The following ATG13 variants were observed in gnomAD, a reference collection of about 807,000 sequenced individuals.
ATG13 encodes the protein autophagy-related protein 13.
Under a neutral mutation model 65.5 loss-of-function variants are expected in ATG13, and 23 were observed. That is an observed-to-expected ratio of 0.35 (90% CI 0.25 to 0.50). The LOEUF is 0.50. ATG13 is among the 20% of genes least tolerant of loss of function. ATG13 has a pLI of 0.98. For missense variants in ATG13, 566 were observed against 677.0 expected (o/e 0.84, Z 1.82); for synonymous variants, 252 against 245.2 (o/e 1.03, Z -0.26).
chr11:46,654,246 C>T (rs1164571316), intron 7 of ATG13, among the ~76,000 whole-genome samples: 3 of 130,694 alleles, frequency 2.3e-5, no homozygotes, highest in African/African-American at 8.9e-5. Context: ...CAGCCTGGGT[C>T]ACATGGCAAG....
rs7939371 is a variant in ATG13 at position 46,623,273 on chromosome 11, A to G, written c.-70+5383A>G. ...TGTGCCACTGCACTCCAGTCTGGGC[A>G]ACAGAGCAAGACCCCGTCTCAAAGA... On this transcript the variant is annotated intron_variant, in intron 1 of 18. Coordinates refer to ENST00000683050, the MANE Select transcript of ATG13 (RefSeq NM_001346311.2). Among the ~76,000 whole-genome samples, 1,408 of 152,212 alleles carry G rather than the reference A, an allele frequency of 9.3e-3. 13 individuals are homozygous for G. Among genetic ancestry groups the G allele is most frequent in the African/African-American group, 0.033 (1,359 of 41,524 alleles).
chr11:46,665,235 A>T, intron 13 of ATG13, 148 bp from the exon 14 acceptor site: 1 of 1,012,988 alleles, frequency 9.9e-7, no homozygotes, highest in African/African-American at 1.6e-5. Context: ...TGAGTTTCAG[A>T]GAGGATAAAG....
At chr11:46,651,121 C>A (rs2136461291) in intron 7 of ATG13, among the ~76,000 whole-genome samples, 1 of 152,202 alleles carries the variant, frequency 6.6e-6, no homozygotes. Context: ...AGCATTGTGC[C>A]AGGAGAACTT....
chr11:46,643,959 C>T (rs1447697774), intron 2 of ATG13, among the ~76,000 whole-genome samples: 1 of 152,124 alleles, frequency 6.6e-6, no homozygotes, highest in African/African-American at 2.4e-5. Flanking sequence ...AAGTTTATGT[C>T]TCATTAAAAT....
In ATG13 at chr11:46,672,694, C is replaced by T. The variant is rs1387958053; in HGVS notation, c.*362C>T. 7.3e-7 allele frequency: 1 copy of T among 1,366,666 alleles called. No homozygotes were observed. Among genetic ancestry groups the T allele is most frequent in the Non-Finnish European group, 9.7e-7 (1 of 1,032,556 alleles). The allele number at this position is 1,366,666 out of a possible 1,614,324, so 84.7% of individuals were successfully genotyped here. A position where few individuals can be genotyped will look rare whatever the true frequency, so the allele number is the denominator to read the frequency against. The stretch of plus-strand genomic sequence containing the variant: ...CTGCCTGGGCCTGCCTTGCAGCTGG[C>T]CCCTTCCCTGCCTGCTGTCACCATC... On this transcript the variant is annotated 3_prime_UTR_variant, in exon 19 of 19. Coordinates refer to ENST00000683050, the MANE Select transcript of ATG13 (RefSeq NM_001346311.2).
Position 46,672,817 on chromosome 11 carries a change from GCT to G in ATG13, c.*490_*491del, listed in dbSNP as rs2064053018. Reference sequence around the variant, plus strand: ...GGAGGAAGAAGGAAGGAGTCCCTTAGCTCTCTTCATTGTCCCCTTTACTTCCT... The same window carrying G: ...GGAGGAAGAAGGAAGGAGTCCCTTAGCTCTTCATTGTCCCCTTTACTTCCT... On this transcript the variant is annotated 3_prime_UTR_variant, in exon 19 of 19. Coordinates refer to ENST00000683050, the MANE Select transcript of ATG13 (RefSeq NM_001346311.2). 2.3e-6 allele frequency: 3 copies of G among 1,293,222 alleles called. No homozygotes were observed. In the Admixed American group the frequency reaches 6.9e-5, roughly 30 times the overall value. 80.1% of individuals were successfully genotyped at this position (1,293,222 alleles called of 1,614,324 possible).
intron 5 of ATG13, 146 bp downstream of exon 5, chr11:46,646,135 T>C: frequency 8.2e-7 from 1 of 1,212,244 alleles, no homozygotes. Context: ...TTTTTTGTTC[T>C]TTTTTGTTTG....
In ATG13 at chr11:46,672,874, T is replaced by G; in HGVS notation, c.*542T>G. ...TCTTCTTCTCCTCTTCTTCTCTCTC[T>G]TGCCTCTATGCCTGTATTTCTGGCA... On this transcript the variant is annotated 3_prime_UTR_variant, in exon 19 of 19. Coordinates refer to ENST00000683050, the MANE Select transcript of ATG13 (RefSeq NM_001346311.2). 6 of 1,111,144 alleles carry G rather than the reference T, an allele frequency of 5.4e-6. No homozygotes were observed. The highest frequency in any genetic ancestry group is 7.0e-6 in the Non-Finnish European group (6 of 860,814). The allele number at this position is 1,111,144 out of a possible 1,614,324, so 68.8% of individuals were successfully genotyped here.
intron 1 of ATG13, among the ~76,000 whole-genome samples, chr11:46,620,884 C>T (rs1321711605): frequency 1.3e-5 from 2 of 152,168 alleles, no homozygotes; most frequent in African/African-American, 2.4e-5. Context: ...TTATAGAAAC[C>T]TCCTGTGGAG....
intron 10 of ATG13, 42 bp downstream of exon 10, chr11:46,657,664 C>G: frequency 6.8e-7 from 1 of 1,481,380 alleles, no homozygotes; most frequent in Non-Finnish European, 9.2e-7. Flanking sequence ...TGCAGCTGGG[C>G]AGAAGCATCC....
intron 1 of ATG13, among the ~76,000 whole-genome samples, chr11:46,621,389 C>T (rs1227691766): frequency 6.6e-6 from 1 of 152,114 alleles, no homozygotes; most frequent in Non-Finnish European, 1.5e-5. Context: ...ATGAATTTGT[C>T]TACTTCAGAG....
intron 11 of ATG13, 138 bp from the exon 12 acceptor site, chr11:46,663,859 C>T: frequency 1.6e-6 from 1 of 613,562 alleles, no homozygotes; most frequent in Middle Eastern, 4.5e-4. Flanking sequence ...CCTTGCCCTG[C>T]TTCACTCCTG....
At chr11:46,623,672 C>T (rs1001396430) in intron 1 of ATG13, among the ~76,000 whole-genome samples, 6 of 152,014 alleles carry the variant, frequency 3.9e-5, no homozygotes, top group African/African-American at 1.4e-4. Flanking sequence ...AGATGATCTG[C>T]CCGCCTTGGC....
In ATG13 at chr11:46,652,141, G is replaced by A. The variant is rs1026268097; in HGVS notation, c.458+1824G>A. Reference sequence around the variant, plus strand: ...CACGCTCCTGTAATCCCAGCTACTCGGGAGGCTGAGGCATGAGAATCACTT... The same window carrying A: ...CACGCTCCTGTAATCCCAGCTACTCAGGAGGCTGAGGCATGAGAATCACTT... On this transcript the variant is annotated intron_variant, in intron 7 of 18. Transcript: ENST00000683050. Among the ~76,000 whole-genome samples, 8 of 151,966 alleles carry A rather than the reference G, an allele frequency of 5.3e-5. No homozygotes were observed. In the South Asian group the frequency reaches 1.2e-3, roughly 24 times the overall value.
At chr11:46,627,389 T>A (rs745927879) in intron 1 of ATG13, among the ~76,000 whole-genome samples, 1 of 151,786 alleles carries the variant, frequency 6.6e-6, no homozygotes, top group African/African-American at 2.4e-5. Flanking sequence ...AAAAAATAAA[T>A]AAATAAATAC....
chr11:46,620,724 G>A (rs1310214615), intron 1 of ATG13, among the ~76,000 whole-genome samples: 2 of 151,828 alleles, frequency 1.3e-5, no homozygotes, highest in Admixed American at 6.6e-5. Context: ...GCTGTGAGCC[G>A]AGATCATGCC....
At position 46,656,965 on chromosome 11, in the gene ATG13, G is replaced by A. The variant is rs1034134860; in HGVS notation, c.500-130G>A. ...CACACACACATATGAAATTAAGGCT[G>A]CTGCACTTAACATGCTAAGTGGATA... is the stretch of plus-strand genomic sequence containing the variant. On this transcript the variant is annotated intron_variant, in intron 8 of 18. Coordinates refer to ENST00000683050, the MANE Select transcript of ATG13 (RefSeq NM_001346311.2). 2.0e-5 allele frequency: 15 copies of A among 750,866 alleles called. No homozygotes were observed. In the Admixed American group the frequency reaches 2.9e-4, roughly 15 times the overall value. The allele number at this position is 750,866 out of a possible 1,614,324, so 46.5% of individuals were successfully genotyped here.
At chr11:46,636,315 TG>T (rs2053938279) in intron 2 of ATG13, among the ~76,000 whole-genome samples, 1 of 152,040 alleles carries the variant, frequency 6.6e-6, no homozygotes, top group Admixed American at 6.6e-5. Flanking sequence ...CCCAGCACTT[TG>T]GGAGGCAGAG....
chr11:46,651,288 T>A (rs1035801188), intron 7 of ATG13, among the ~76,000 whole-genome samples: 1 of 152,230 alleles, frequency 6.6e-6, no homozygotes, highest in Non-Finnish European at 1.5e-5. Flanking sequence ...TAAAATTTGT[T>A]CTGGTTGGTA....
Sources: gnomAD v4.1 joint callset for allele counts (sites outside exome capture counted in the v4.1 genomes callset) on GRCh38, gnomAD v4.1.1 for gene constraint, MANE v1.5 for transcripts, NCBI Gene and HGNC (gene_info 2026-07-23, HGNC 2026-07-21) for gene names.